CLEC16A: variants seen among roughly 807,000 people sequenced by gnomAD.
The protein encoded by CLEC16A is protein CLEC16A.
CLEC16A carries 51 observed loss-of-function variants against 109.5 expected under a neutral mutation model. That is an observed-to-expected ratio of 0.47 (90% CI 0.37 to 0.59). The LOEUF is 0.59. Among genes scored for constraint, CLEC16A ranks in the 20% least tolerant of loss-of-function variants. The pLI, the probability that CLEC16A is intolerant of heterozygous loss-of-function variation, is 0.00. For missense variants in CLEC16A, 1,339 were observed against 1,394.0 expected (o/e 0.96, Z 0.63); for synonymous variants, 673 against 564.2 (o/e 1.19, Z -2.73).
intron 10 of CLEC16A, among the ~76,000 whole-genome samples, chr16:10,987,213 G>A (rs541274162): frequency 6.6e-5 from 10 of 152,034 alleles, no homozygotes; most frequent in African/African-American, 2.2e-4. Context: ...AGATTTGCGT[G>A]CAGTTGTAAC....
intron 15 of CLEC16A, among the ~76,000 whole-genome samples, chr16:11,042,570 C>T (rs1160734269): frequency 3.9e-5 from 6 of 152,196 alleles, no homozygotes; most frequent in Non-Finnish European, 8.8e-5. Flanking sequence ...CTGAAGAGTC[C>T]ACTTAATTGA....
chr16:11,054,932 C>CT (rs151109740), intron 18 of CLEC16A, among the ~76,000 whole-genome samples: 19,245 of 130,596 alleles, frequency 0.15, 1,277 homozygotes, highest in Non-Finnish European at 0.16. Context: ...GGTTTTCTTT[C>CT]TTTTTTTTTT....
chr16:11,162,543 G>A (rs1268514178), intron 22 of CLEC16A, among the ~76,000 whole-genome samples: 1 of 152,234 alleles, frequency 6.6e-6, no homozygotes, highest in Non-Finnish European at 1.5e-5. Flanking sequence ...CTCTCACTGT[G>A]TCAGCTTCAA....
At chr16:11,036,240 G>C (rs530237124) in intron 13 of CLEC16A, 1 of 152,684 alleles carries the variant, frequency 6.5e-6, no homozygotes, top group East Asian at 1.9e-4. Context: ...CACCCTCCAG[G>C]ATCCTGGCAC....
chr16:11,014,940 C>T lies in CLEC16A; in HGVS notation c.1304-5253C>T, dbSNP rs1272620810. ...GAGGTCAAGTCCTCTTTGATGTCCT[C>T]TTCTAAAGATGATACTCACTTTAGA... On this transcript the variant is annotated intron_variant, in intron 11 of 23. Coordinates refer to ENST00000409790, the MANE Select transcript of CLEC16A (RefSeq NM_015226.3). 2.6e-5 allele frequency among the ~76,000 whole-genome samples: 4 copies of T among 152,166 alleles called. No individual in the cohort carries two copies. In the South Asian group the frequency reaches 6.2e-4, roughly 24 times the overall value.
chr16:11,166,404 G>A lies in CLEC16A; in HGVS notation c.2658G>A (p.Gln886=). The A allele has an allele frequency of 6.2e-7, 1 of 1,603,104 alleles. No homozygotes were observed. ...VDKVPGFAVA[Q]CINQHSSPSL... is the part of the protein sequence containing the mutation. ...GTCTTGCAGGCTTCGCCGTGGCCCA[G>A]TGCATAAACCAGCACAGCTCCCCGT... Residue 886 remains glutamine (Q), a synonymous_variant, in exon 23 of 24, where the codon CAG becomes CAA. Transcript: ENST00000409790.
At chr16:10,957,555 G>T (rs990796753) in intron 1 of CLEC16A, among the ~76,000 whole-genome samples, 1 of 152,200 alleles carries the variant, frequency 6.6e-6, no homozygotes, top group African/African-American at 2.4e-5. Flanking sequence ...AGGGTTTGAC[G>T]ATTTTCTTGT....
chr16:11,134,404 T>C (rs1387709920), intron 22 of CLEC16A, among the ~76,000 whole-genome samples: 1 of 152,148 alleles, frequency 6.6e-6, no homozygotes, highest in Non-Finnish European at 1.5e-5. Context: ...TGGAAGCTGG[T>C]ATCACTTGCT....
At chr16:10,970,382 C>T (rs994453613) in intron 4 of CLEC16A, among the ~76,000 whole-genome samples, 1 of 152,174 alleles carries the variant, frequency 6.6e-6, no homozygotes, top group African/African-American at 2.4e-5. Context: ...TCTTAGGTGT[C>T]AGGTGCTGGG....
At chr16:11,037,460 G>A (rs987265101) in intron 13 of CLEC16A, among the ~76,000 whole-genome samples, 8 of 152,164 alleles carry the variant, frequency 5.3e-5, no homozygotes, top group Non-Finnish European at 8.8e-5. Context: ...TTCCCTTCAC[G>A]GAGAGTTGAG....
intron 12 of CLEC16A, among the ~76,000 whole-genome samples, 180 bp downstream of exon 12, chr16:11,020,505 C>T (rs545012360): frequency 1.4e-4 from 22 of 152,388 alleles, no homozygotes; most frequent in Admixed American, 5.9e-4. Flanking sequence ...AGCCATCACT[C>T]AACACTGTAA....
rs925113986 is a variant in CLEC16A at position 11,093,183 on chromosome 16, A to G, written c.2117-27432A>G. ...GTGCACCCTCATCTCTTATGAATTC[A>G]GCTAGACCTGCTCAGCACAGCAGAG... On this transcript the variant is annotated intron_variant, in intron 19 of 23. Coordinates refer to ENST00000409790, the MANE Select transcript of CLEC16A (RefSeq NM_015226.3). 7.9e-5 allele frequency among the ~76,000 whole-genome samples: 12 copies of G among 152,318 alleles called. No homozygotes were observed. In the East Asian group the frequency reaches 2.3e-3, roughly 29 times the overall value.
chr16:11,173,933 G>A (rs191206778), intron 23 of CLEC16A, among the ~76,000 whole-genome samples: 6 of 152,184 alleles, frequency 3.9e-5, no homozygotes, highest in African/African-American at 7.2e-5. Context: ...CAGCGATCCC[G>A]ACCCTGCCTC....
At chr16:11,020,110 T>C (rs2046005889) in intron 11 of CLEC16A, 83 bp from the exon 12 acceptor site, 7 of 1,476,342 alleles carry the variant, frequency 4.7e-6, no homozygotes. Flanking sequence ...TTTATGCATA[T>C]TTATTCTCCA....
intron 23 of CLEC16A, among the ~76,000 whole-genome samples, chr16:11,171,861 C>G (rs956616350): frequency 1.3e-5 from 2 of 152,142 alleles, no homozygotes; most frequent in African/African-American, 2.4e-5. Context: ...CAGTCACACA[C>G]ATGCCAGGGC....
rs192548432 is a variant in CLEC16A at position 11,130,961 on chromosome 16, T to C, written c.2641+4815T>C. Reference sequence around the variant, plus strand: ...CATTTCCTTGGATGAGATATTAAAGTAGTGTATAAATCAGGGCTAATAGGT... The same window carrying C: ...CATTTCCTTGGATGAGATATTAAAGCAGTGTATAAATCAGGGCTAATAGGT... On this transcript the variant is annotated intron_variant, in intron 22 of 23. Coordinates refer to ENST00000409790, the MANE Select transcript of CLEC16A (RefSeq NM_015226.3). Among the ~76,000 whole-genome samples, 15 of 152,296 alleles carry C rather than the reference T, an allele frequency of 9.8e-5. No homozygotes were observed. The East Asian group carries it at 1.2e-3, about 12-fold the overall frequency.
intron 19 of CLEC16A, among the ~76,000 whole-genome samples, chr16:11,072,366 G>C (rs891168794): frequency 6.6e-6 from 1 of 152,140 alleles, no homozygotes; most frequent in African/African-American, 2.4e-5. Context: ...TGATCCTCCT[G>C]CTTCGGCTTC....
intron 22 of CLEC16A, among the ~76,000 whole-genome samples, chr16:11,158,395 C>G (rs2054608461): frequency 6.6e-6 from 1 of 152,182 alleles, no homozygotes; most frequent in African/African-American, 2.4e-5. Context: ...TTATATTATG[C>G]TTTGCAATCT....
intron 13 of CLEC16A, among the ~76,000 whole-genome samples, chr16:11,026,646 T>G (rs1312192675): frequency 2.7e-5 from 1 of 37,368 alleles, no homozygotes; most frequent in Non-Finnish European, 5.0e-5. Flanking sequence ...TTGTTTGGGG[T>G]TTTTTTTTTT....
Sources: gnomAD v4.1 joint callset for allele counts (sites outside exome capture counted in the v4.1 genomes callset) on GRCh38, gnomAD v4.1.1 for gene constraint, MANE v1.5 for transcripts, NCBI Gene and HGNC (gene_info 2026-07-23, HGNC 2026-07-21) for gene names.